The following COL9A1 variants were observed in gnomAD, a reference collection of about 807,000 sequenced individuals.
COL9A1 encodes the protein collagen type IX alpha 1 chain, also known as collagen alpha-1(IX) chain.
In COL9A1, 104 loss-of-function variants were observed where a neutral mutation model predicts 142.6. The observed-to-expected ratio is 0.73, with a 90% confidence interval of 0.62 to 0.86. COL9A1 has a LOEUF of 0.86. COL9A1 is among the 40% of genes least tolerant of loss of function. The pLI, the probability that COL9A1 is intolerant of heterozygous loss-of-function variation, is 0.00. For synonymous variants in COL9A1, 466 were observed against 396.0 expected (o/e 1.18, Z -2.10); for missense variants, 1,210 against 1,176.6 (o/e 1.03, Z -0.42).
intron 37 of COL9A1, among the ~76,000 whole-genome samples, chr6:70,225,386 G>A (rs1583205164): frequency 6.6e-6 from 1 of 152,176 alleles, no homozygotes; most frequent in East Asian, 1.9e-4. Flanking sequence ...CACCTCAGTT[G>A]ACACAGCTGT....
At chr6:70,280,625 T>A (rs1287576421) in intron 10 of COL9A1, 187 bp downstream of exon 10, 1 of 1,302,314 alleles carries the variant, frequency 7.7e-7, no homozygotes, top group Non-Finnish European at 1.0e-6. Flanking sequence ...ATCCTCACCT[T>A]CACAAGTCCT....
intron 10 of COL9A1, among the ~76,000 whole-genome samples, chr6:70,278,330 G>T (rs922399003): frequency 4.6e-5 from 7 of 152,042 alleles, no homozygotes; most frequent in Admixed American, 3.3e-4. Flanking sequence ...CAAGAAATCT[G>T]GACTATTTTG....
In COL9A1 at chr6:70,241,983, G is replaced by A. The variant is rs1249824602; in HGVS notation, c.1979C>T (p.Pro660Leu). ...LPGLPGPPGL[P>L]GMKGDRGVVG... Reference sequence around the variant, plus strand: ...TCTTACCCTGTCACCTTTCATTCCAGGAAGTCCAGGGGGCCCAGGCAAGCC... The same window carrying A: ...TCTTACCCTGTCACCTTTCATTCCAAGAAGTCCAGGGGGCCCAGGCAAGCC... Residue 660 changes from proline (P) to leucine (L), a missense_variant, in exon 30 of 38, where the codon CCT becomes CTT. Coordinates refer to ENST00000357250, the MANE Select transcript of COL9A1 (RefSeq NM_001851.6). The A allele has an allele frequency of 6.3e-7, 1 of 1,597,378 alleles. No homozygotes were observed. The highest frequency in any genetic ancestry group is 1.3e-5 in the African/African-American group (1 of 74,482).
intron 10 of COL9A1, among the ~76,000 whole-genome samples, chr6:70,277,934 C>A (rs1027558443): frequency 1.3e-5 from 2 of 152,162 alleles, no homozygotes; most frequent in African/African-American, 4.8e-5. Context: ...ACTTAGCTCC[C>A]CTATGGCCAA....
chr6:70,299,952 T>C (rs1211840783), intron 4 of COL9A1, 91 bp downstream of exon 4: 18 of 1,241,130 alleles, frequency 1.5e-5, no homozygotes, highest in African/African-American at 3.0e-5. Flanking sequence ...CCAAGAAACA[T>C]TGATCATAAG....
intron 5 of COL9A1, among the ~76,000 whole-genome samples, chr6:70,290,292 T>G (rs1335823072): frequency 6.6e-6 from 1 of 152,164 alleles, no homozygotes; most frequent in East Asian, 1.9e-4. Flanking sequence ...TAAAATAACA[T>G]GTTTTTATGG....
chr6:70,229,488 T>C, intron 36 of COL9A1, among the ~76,000 whole-genome samples: 1 of 152,212 alleles, frequency 6.6e-6, no homozygotes. Flanking sequence ...CATTTATTCA[T>C]GAGCTATAAT....
At chr6:70,242,244 T>C in intron 29 of COL9A1, 2 of 624,382 alleles carry the variant, frequency 3.2e-6, no homozygotes, top group Non-Finnish European at 5.8e-6. Flanking sequence ...CACCCTAAGG[T>C]CCTCAGTTCC....
At chr6:70,283,599 G>C (rs983914939) in intron 6 of COL9A1, 138 bp downstream of exon 6, 1 of 761,648 alleles carries the variant, frequency 1.3e-6, no homozygotes, top group Middle Eastern at 2.3e-4. Flanking sequence ...TCTCTAGTCA[G>C]TACAGCAAAG....
intron 29 of COL9A1, 141 bp from the exon 30 acceptor site, chr6:70,242,176 C>A (rs1770300685): frequency 2.7e-6 from 2 of 750,594 alleles, no homozygotes; most frequent in African/African-American, 3.5e-5. Context: ...TTGGGTTTGC[C>A]TCTCTTTCAT....
chr6:70,297,077 G>A (rs928460238), intron 4 of COL9A1, among the ~76,000 whole-genome samples: 10 of 152,070 alleles, frequency 6.6e-5, no homozygotes, highest in African/African-American at 2.4e-4. Flanking sequence ...GAAGTTAACT[G>A]AGGGAGTTCT....
chr6:70,256,733 C>T, intron 21 of COL9A1, 35 bp downstream of exon 21: 1 of 1,580,408 alleles, frequency 6.3e-7, no homozygotes, highest in Non-Finnish European at 8.7e-7. Flanking sequence ...AAAAAAAAAT[C>T]TATCATTGGG....
At chr6:70,233,526 T>C (rs977779610) in intron 35 of COL9A1, among the ~76,000 whole-genome samples, 2 of 152,192 alleles carry the variant, frequency 1.3e-5, no homozygotes, top group African/African-American at 4.8e-5. Flanking sequence ...TCTCATGTAA[T>C]ATTTTTTAAA....
chr6:70,256,845 A>G (rs1428832575), intron 20 of COL9A1, 24 bp from the exon 21 acceptor site: 1 of 1,612,254 alleles, frequency 6.2e-7, no homozygotes, highest in Non-Finnish European at 8.5e-7. Context: ...AGACAATGGA[A>G]AAAAACTGAG....
At chr6:70,293,851 C>T (rs1330315495) in intron 5 of COL9A1, among the ~76,000 whole-genome samples, 23 of 152,136 alleles carry the variant, frequency 1.5e-4, no homozygotes. Flanking sequence ...GCATGGGATT[C>T]TTGACTAACT....
rs1439481102 is a variant in COL9A1 at position 70,274,702 on chromosome 6, C to A, written c.1029+17G>T. On this transcript the variant is annotated intron_variant, in intron 11 of 37. Coordinates refer to ENST00000357250, the MANE Select transcript of COL9A1 (RefSeq NM_001851.6). ...AGCATTTTCGTACTAGCAATTAATG[C>A]CAGATGGCTAACTTACTTTTTGTCC... 19 of 1,604,274 alleles carry A rather than the reference C, an allele frequency of 1.2e-5. No individual in the cohort carries two copies. Among genetic ancestry groups the A allele is most frequent in the Non-Finnish European group, 1.5e-5 (18 of 1,171,684 alleles).
chr6:70,260,895 G>C (rs531511774), intron 19 of COL9A1, 185 bp from the exon 20 acceptor site: 10 of 542,440 alleles, frequency 1.8e-5, no homozygotes, highest in African/African-American at 1.7e-4. Flanking sequence ...TCTTCTGATG[G>C]TAAACCTTTT....
At position 70,273,581 on chromosome 6, in the gene COL9A1, T is replaced by G. The variant is rs1050603264; in HGVS notation, c.1065+466A>C. Among the ~76,000 whole-genome samples the G allele has an allele frequency of 3.3e-5, 5 of 152,132 alleles. No individual in the cohort carries two copies. The South Asian group carries it at 1.0e-3, about 32-fold the overall frequency. On this transcript the variant is annotated intron_variant, in intron 12 of 37. Coordinates refer to ENST00000357250, the MANE Select transcript of COL9A1 (RefSeq NM_001851.6). ...CAAATAACACACACCTGCCATATTGTGCAAATGCAGAAAAAGACTAGCCAA... is the reference window on the plus strand; with the variant it reads ...CAAATAACACACACCTGCCATATTGGGCAAATGCAGAAAAAGACTAGCCAA...
Position 70,293,085 on chromosome 6 carries a change from T to G in COL9A1, c.696+1082A>C, listed in dbSNP as rs574220743. 1.8e-3 allele frequency among the ~76,000 whole-genome samples: 276 copies of G among 152,324 alleles called. 1 individual carries two copies. Among genetic ancestry groups the G allele is most frequent in the Middle Eastern group, 3.4e-3 (1 of 294 alleles). On this transcript the variant is annotated intron_variant, in intron 5 of 37. Transcript: ENST00000357250. ...TACTGAAATCCCTGATAACCTTTTC[T>G]TCTTTGGAGACATGCACAGAAACAA...
Sources: allele counts gnomAD v4.1 joint callset (sites outside exome capture counted in the v4.1 genomes callset), GRCh38; gene constraint gnomAD v4.1.1; transcripts MANE v1.5; gene names NCBI Gene and HGNC (gene_info 2026-07-23, HGNC 2026-07-21).